The following ANK3 variants were observed in gnomAD, a reference collection of about 807,000 sequenced individuals.
The protein encoded by ANK3 is ankyrin-3.
A neutral mutation model predicts 370.9 loss-of-function variants in ANK3; 57 were observed. That is an observed-to-expected ratio of 0.15 (90% CI 0.12 to 0.19). The LOEUF is 0.19. ANK3 is among the 10% of genes least tolerant of loss of function. ANK3 has a pLI of 1.00. For missense variants in ANK3, 4,439 were observed against 5,302.1 expected (o/e 0.84, Z 5.06); for synonymous variants, 1,929 against 1,946.3 (o/e 0.99, Z 0.23).
Position 60,072,725 on chromosome 10 carries a change from C to T in ANK3, c.8156G>A (p.Arg2719Lys). 1 of 1,613,996 alleles carries T rather than the reference C, an allele frequency of 6.2e-7. No homozygotes were observed. Among genetic ancestry groups the T allele is most frequent in the Non-Finnish European group, 8.5e-7 (1 of 1,179,982 alleles). ...QLKQSKLSSI[R>K]LKFEQGTHAK... The stretch of plus-strand genomic sequence containing the variant: ...GTGTGTGCCTTGTTCAAATTTTAAT[C>T]TAATGGAACTGAGTTTAGATTGTTT... The change falls in exon 37 of 44, where the codon AGA (arginine) becomes AAA (lysine). Residue 2719 changes from arginine (R) to lysine (K), a missense_variant. Coordinates refer to ENST00000280772, the MANE Select transcript of ANK3 (RefSeq NM_020987.5).
chr10:60,550,255 A>G (rs1003917482), intron 2 of ANK3, among the ~76,000 whole-genome samples: 2 of 151,816 alleles, frequency 1.3e-5, no homozygotes, highest in African/African-American at 2.4e-5. Flanking sequence ...ATGTGTAAAA[A>G]TATCCATGTG....
intron 2 of ANK3, among the ~76,000 whole-genome samples, chr10:60,401,913 G>A (rs2063359043): frequency 6.6e-6 from 1 of 152,088 alleles, no homozygotes; most frequent in Non-Finnish European, 1.5e-5. Context: ...TAACGGCTAG[G>A]CTAAAATATA....
At chr10:60,327,296 C>T (rs2050138430) in intron 1 of ANK3, among the ~76,000 whole-genome samples, 1 of 152,184 alleles carries the variant, frequency 6.6e-6, no homozygotes, top group African/African-American at 2.4e-5. Context: ...TGACTGTCCT[C>T]TCTCTTTTGA....
At chr10:60,279,020 T>C (rs2098127934) in intron 3 of ANK3, 30 bp downstream of exon 3, 1 of 1,607,144 alleles carries the variant, frequency 6.2e-7, no homozygotes, top group Non-Finnish European at 8.5e-7. Flanking sequence ...TGGCGAGTGG[T>C]TCAAAAAGCA....
chr10:60,728,302 C>T (rs543468895), intron 1 of ANK3, among the ~76,000 whole-genome samples: 18 of 152,200 alleles, frequency 1.2e-4, no homozygotes, highest in African/African-American at 4.3e-4. Flanking sequence ...AATTACCAGC[C>T]GAAACTCACT....
At chr10:60,196,998 T>G (rs1477598786) in intron 14 of ANK3, among the ~76,000 whole-genome samples, 3 of 152,264 alleles carry the variant, frequency 2.0e-5, no homozygotes, top group African/African-American at 4.8e-5. Context: ...AGTTTCATAT[T>G]GTGGGAAGAA....
intron 43 of ANK3, among the ~76,000 whole-genome samples, chr10:60,040,290 CT>C (rs926634479): frequency 2.9e-3 from 404 of 141,648 alleles, no homozygotes; most frequent in African/African-American, 3.1e-3. Context: ...GCTTAGTTTT[CT>C]TTTTTTTTTT....
Position 60,083,537 on chromosome 10 carries a change from A to C in ANK3, c.4155T>G (p.Phe1385Leu). The change falls in exon 33 of 44, where the codon TTT becomes TTG. Residue 1385 changes from phenylalanine (F) to leucine (L), a missense_variant. Phe to Leu is a conservative substitution (Grantham distance 22). Around this residue, in one of 13 missense-constraint regions of ANK3, gnomAD observed 702 missense variants for 941.5 expected, o/e 0.75. Transcript: ENST00000280772. ...PLTKGGQQLV[F>L]NFYSFKENRL... Reference sequence around the variant, plus strand: ...TATTTTCTTTGAAAGAATAAAAGTTAAAAACAAGTTGCTGTCCTCCTTTGG... The same window carrying C: ...TATTTTCTTTGAAAGAATAAAAGTTCAAAACAAGTTGCTGTCCTCCTTTGG... 6.2e-7 allele frequency: 1 copy of C among 1,612,032 alleles called. No individual in the cohort carries two copies. Among genetic ancestry groups the C allele is most frequent in the Non-Finnish European group, 8.5e-7 (1 of 1,179,100 alleles).
intron 23 of ANK3, among the ~76,000 whole-genome samples, chr10:60,163,843 T>C (rs562394934): frequency 1.3e-5 from 2 of 152,340 alleles, no homozygotes; most frequent in Non-Finnish European, 2.9e-5. Flanking sequence ...TTGCTTATTA[T>C]TTTTATTTGC....
At chr10:60,710,625 C>T (rs953895286) in intron 1 of ANK3, among the ~76,000 whole-genome samples, 14 of 152,058 alleles carry the variant, frequency 9.2e-5, no homozygotes, top group African/African-American at 3.1e-4. Flanking sequence ...TTTTTTAAAA[C>T]AAGCCATATA....
At chr10:60,605,610 T>G (rs1428764963) in intron 2 of ANK3, among the ~76,000 whole-genome samples, 1 of 152,164 alleles carries the variant, frequency 6.6e-6, no homozygotes, top group East Asian at 1.9e-4. Context: ...GGAACAAAGC[T>G]TGCTTGCTTC....
intron 28 of ANK3, among the ~76,000 whole-genome samples, chr10:60,091,033 T>G (rs2088213832): frequency 6.6e-6 from 1 of 152,210 alleles, no homozygotes; most frequent in Non-Finnish European, 1.5e-5. Context: ...GCCTCCTGAA[T>G]AGCTGGGATT....
chr10:60,158,594 A>T (rs2095413575), intron 23 of ANK3, among the ~76,000 whole-genome samples: 1 of 152,170 alleles, frequency 6.6e-6, no homozygotes, highest in African/African-American at 2.4e-5. Flanking sequence ...TGTTATTTGC[A>T]AGTCTTATGG....
At chr10:60,717,245 G>A (rs965169791) in intron 1 of ANK3, among the ~76,000 whole-genome samples, 6 of 151,436 alleles carry the variant, frequency 4.0e-5, no homozygotes, top group Non-Finnish European at 8.8e-5. Context: ...CCTATTAGAA[G>A]GAAGAAGTAG....
intron 18 of ANK3, among the ~76,000 whole-genome samples, chr10:60,180,615 C>CAAAAAAAAAA (rs990463587): frequency 2.8e-5 from 3 of 106,160 alleles, no homozygotes; most frequent in East Asian, 3.0e-4. Context: ...AAAAAAAAAC[C>CAAAAAAAAAA]AAAAAAAAAA....
chr10:60,310,924 T>C (rs1423857936), intron 1 of ANK3, among the ~76,000 whole-genome samples: 1 of 152,214 alleles, frequency 6.6e-6, no homozygotes, highest in Non-Finnish European at 1.5e-5. Context: ...GACTGGTGCA[T>C]GTCATGTGTT....
At chr10:60,224,322 T>C (rs1458257774) in intron 8 of ANK3, among the ~76,000 whole-genome samples, 1 of 152,138 alleles carries the variant, frequency 6.6e-6, no homozygotes, top group African/African-American at 2.4e-5. Flanking sequence ...ACAAACTGGC[T>C]AGTCCAGATC....
chr10:60,347,264 A>G (rs181292345), intron 1 of ANK3, among the ~76,000 whole-genome samples: 4 of 151,912 alleles, frequency 2.6e-5, no homozygotes, highest in Admixed American at 6.6e-5. Flanking sequence ...CCCCTAGTCT[A>G]GAAGAGTTTA....
chr10:60,622,469 C>T (rs973928794), intron 1 of ANK3, among the ~76,000 whole-genome samples: 3 of 152,014 alleles, frequency 2.0e-5, no homozygotes, highest in Non-Finnish European at 2.9e-5. Context: ...TCTCAAGCTC[C>T]TGACCTCATG....
Sources: allele counts gnomAD v4.1 joint callset (sites outside exome capture counted in the v4.1 genomes callset), GRCh38; gene constraint gnomAD v4.1.1; regional missense constraint gnomAD v4.1.1; transcripts MANE v1.5; gene names NCBI Gene and HGNC (gene_info 2026-07-23, HGNC 2026-07-21).